DBT: variants seen among roughly 807,000 people sequenced by gnomAD.
The protein encoded by DBT is dihydrolipoamide branched chain transacylase E2.
A neutral mutation model predicts 51.3 loss-of-function variants in DBT; 40 were observed. That is an observed-to-expected ratio of 0.78 (90% confidence interval 0.61 to 1.02). DBT has a LOEUF of 1.02. Ranked by LOEUF, DBT falls within the 50% of genes least tolerant of loss-of-function variation. The pLI, the probability that DBT is intolerant of heterozygous loss-of-function variation, is 0.00. For missense variants in DBT, 510 were observed against 580.2 expected (o/e 0.88, Z 1.24); for synonymous variants, 181 against 190.4 (o/e 0.95, Z 0.41).
At chr1:100,226,324 C>T (rs1216297552) in intron 4 of DBT, among the ~76,000 whole-genome samples, 1 of 146,824 alleles carries the variant, frequency 6.8e-6, no homozygotes, top group Non-Finnish European at 1.5e-5. Flanking sequence ...CCTGTTGTTA[C>T]CCAGGCTAGA....
intron 10 of DBT, among the ~76,000 whole-genome samples, chr1:100,199,598 T>A (rs1282227613): frequency 6.6e-6 from 1 of 152,090 alleles, no homozygotes; most frequent in Non-Finnish European, 1.5e-5. Context: ...GTTTTTGGAT[T>A]CCCAGGCAAG....
rs1414056663 is a variant in DBT, at chr1:100,231,011, T to C, written c.252-97A>G. ...CCATGCTGAGTTAGATCAGTATTCA[T>C]CTAGCCCAGCATTTACTTTCAGATG... On this transcript the variant is annotated intron_variant, in intron 3 of 10. Coordinates refer to ENST00000370132, the MANE Select transcript of DBT (RefSeq NM_001918.5). 2.2e-5 allele frequency: 17 copies of C among 774,766 alleles called. No individual in the cohort carries two copies. In the East Asian group the frequency reaches 4.3e-4, roughly 19 times the overall value. The allele number at this position is 774,766 out of a possible 1,614,324, so 48.0% of individuals were successfully genotyped here. A position where few individuals can be genotyped will look rare whatever the true frequency, so the allele number is the denominator to read the frequency against.
rs1177373736 is a variant in DBT at position 100,193,956 on chromosome 1, C to G, written c.*2299G>C. ...AATTGTTTATTGACATGTAAGGTTA[C>G]CCATAATATAATGTTAAATTTTAAA... On this transcript the variant is annotated 3_prime_UTR_variant, in exon 11 of 11. Coordinates refer to ENST00000370132, the MANE Select transcript of DBT (RefSeq NM_001918.5). The G allele has an allele frequency of 1.3e-5, 2 of 152,002 alleles. No homozygotes were observed. Among genetic ancestry groups the G allele is most frequent in the Non-Finnish European group, 2.9e-5 (2 of 67,994 alleles). 9.4% of individuals were successfully genotyped at this position (152,002 alleles called of 1,614,324 possible).
At position 100,212,021 on chromosome 1, in the gene DBT, C is replaced by T. The variant is rs576880657; in HGVS notation, c.940-1250G>A. Among the ~76,000 whole-genome samples, 379 of 152,302 alleles carry T rather than the reference C, an allele frequency of 2.5e-3. 3 individuals are homozygous for T. The highest frequency in any genetic ancestry group is 6.8e-3 in the Middle Eastern group (2 of 294). The stretch of plus-strand genomic sequence containing the variant: ...TCCTGAGCTCAAGCAATCTGCCTGC[C>T]TTGGCCTCCTAAAGTGTTGGGATTA... On this transcript the variant is annotated intron_variant, in intron 7 of 10. Coordinates refer to ENST00000370132, the MANE Select transcript of DBT (RefSeq NM_001918.5).
chr1:100,216,262 A>C, intron 5 of DBT, 63 bp from the exon 6 acceptor site: 2 of 1,199,596 alleles, frequency 1.7e-6, no homozygotes, highest in South Asian at 2.5e-5. Flanking sequence ...TAAAGTTTCA[A>C]AATGGAATTT....
At chr1:100,245,611 C>T (rs1296295385) in intron 1 of DBT, among the ~76,000 whole-genome samples, 1 of 152,148 alleles carries the variant, frequency 6.6e-6, no homozygotes, top group African/African-American at 2.4e-5. Flanking sequence ...TACGTGTAGT[C>T]TAAGTCTTAA....
intron 1 of DBT, chr1:100,249,366 A>G: frequency 3.0e-6 from 1 of 331,920 alleles, no homozygotes; most frequent in South Asian, 2.7e-5. Flanking sequence ...CTTCCTCTAC[A>G]CACTGTAGAT....
Position 100,213,809 on chromosome 1 carries a change from G to A in DBT, c.939+1008C>T, listed in dbSNP as rs191635509. 2,378 of 1,422,108 alleles carry A rather than the reference G, an allele frequency of 1.7e-3. 40 individuals are homozygous for A. The highest frequency in any genetic ancestry group is 1.3e-3 in the Middle Eastern group (5 of 3,816). 88.1% of individuals were successfully genotyped at this position (1,422,108 alleles called of 1,614,324 possible). A position where few individuals can be genotyped will look rare whatever the true frequency, so the allele number is the denominator to read the frequency against. ...GACCGATGTGGCACACGCCAGCTGCGGTTTCCCGGAGCGTGGAGAGGCAGC... is the reference window on the plus strand; with the variant it reads ...GACCGATGTGGCACACGCCAGCTGCAGTTTCCCGGAGCGTGGAGAGGCAGC... On this transcript the variant is annotated intron_variant, in intron 7 of 10. Coordinates refer to ENST00000370132, the MANE Select transcript of DBT (RefSeq NM_001918.5).
intron 10 of DBT, among the ~76,000 whole-genome samples, chr1:100,200,469 G>A (rs1661372792): frequency 6.6e-6 from 1 of 152,234 alleles, no homozygotes; most frequent in Middle Eastern, 3.2e-3. Flanking sequence ...AGGGGTGGCT[G>A]TGGGCGCAGC....
chr1:100,209,899 A>G (rs1662033426), intron 8 of DBT, among the ~76,000 whole-genome samples: 1 of 150,886 alleles, frequency 6.6e-6, no homozygotes, highest in Non-Finnish European at 1.5e-5. Flanking sequence ...AAACTTCAGG[A>G]AAGGCATCTC....
intron 2 of DBT, among the ~76,000 whole-genome samples, chr1:100,237,002 T>C (rs985497176): frequency 1.3e-5 from 2 of 152,224 alleles, no homozygotes; most frequent in East Asian, 1.9e-4. Context: ...ATAAATTCTT[T>C]GCAGCTGTTC....
In DBT at chr1:100,196,201, A is replaced by G; in HGVS notation, c.*54T>C. ...AAGATGAACATGTGCTGGCACAGCTAGGGTTTACATACTCTTTGGAAGCTC... is the reference window on the plus strand; with the variant it reads ...AAGATGAACATGTGCTGGCACAGCTGGGGTTTACATACTCTTTGGAAGCTC... On this transcript the variant is annotated 3_prime_UTR_variant, in exon 11 of 11. Transcript: ENST00000370132. 2 of 1,408,224 alleles carry G rather than the reference A, an allele frequency of 1.4e-6. No individual in the cohort carries two copies. The highest frequency in any genetic ancestry group is 2.0e-6 in the Non-Finnish European group (2 of 992,730). The allele number at this position is 1,408,224 out of a possible 1,614,324, so 87.2% of individuals were successfully genotyped here.
intron 2 of DBT, among the ~76,000 whole-genome samples, chr1:100,237,004 C>T (rs1161841199): frequency 2.6e-5 from 4 of 152,188 alleles, no homozygotes; most frequent in African/African-American, 9.6e-5. Context: ...AAATTCTTTG[C>T]AGCTGTTCCC....
chr1:100,214,433 TG>T (rs1662362220), intron 7 of DBT, among the ~76,000 whole-genome samples: 1 of 152,206 alleles, frequency 6.6e-6, no homozygotes, highest in South Asian at 2.1e-4. Context: ...GTCAACATAT[TG>T]CATGTTGGCA....
chr1:100,196,726 A>G (rs1286314827), intron 10 of DBT: 3 of 357,038 alleles, frequency 8.4e-6, no homozygotes, highest in Non-Finnish European at 1.5e-5. Context: ...TATTTACTGT[A>G]TACCCACTAT....
intron 4 of DBT, among the ~76,000 whole-genome samples, chr1:100,218,987 G>C (rs1467886868): frequency 6.6e-6 from 1 of 151,898 alleles, no homozygotes; most frequent in Non-Finnish European, 1.5e-5. Context: ...GTACCTGGTG[G>C]ATATGTCACT....
chr1:100,213,363 CGT>C, intron 7 of DBT: 1 of 1,539,098 alleles, frequency 6.5e-7, no homozygotes, highest in East Asian at 2.5e-5. Context: ...GGCGACTACG[CGT>C]GAGGCCCGCA....
intron 7 of DBT, among the ~76,000 whole-genome samples, chr1:100,214,523 C>CT (rs1662368969): frequency 1.3e-5 from 2 of 151,928 alleles, no homozygotes. Flanking sequence ...GAGGCTGGGG[C>CT]GGGGGTGGAT....
At chr1:100,228,804 T>C (rs944062241) in intron 4 of DBT, among the ~76,000 whole-genome samples, 2 of 152,070 alleles carry the variant, frequency 1.3e-5, no homozygotes, top group African/African-American at 2.4e-5. Context: ...CATGAAAACA[T>C]AGATGAACAA....
Sources: gnomAD v4.1 joint callset for allele counts (sites outside exome capture counted in the v4.1 genomes callset) on GRCh38, gnomAD v4.1.1 for gene constraint, MANE v1.5 for transcripts, NCBI Gene and HGNC (gene_info 2026-07-23, HGNC 2026-07-21) for gene names.